UNC5C: variants seen among roughly 807,000 people sequenced by gnomAD.
The protein encoded by UNC5C is unc-5 netrin receptor C.
A neutral mutation model predicts 99.8 loss-of-function variants in UNC5C; 47 were observed. That is an observed-to-expected ratio of 0.47 (90% confidence interval 0.37 to 0.60). The LOEUF (loss-of-function observed/expected upper bound fraction) is 0.60, where lower values mean the gene tolerates loss of function less well. Ranked by LOEUF, UNC5C falls within the 20% of genes least tolerant of loss-of-function variation. The pLI is 0.00. For missense variants in UNC5C, 1,062 were observed against 1,165.9 expected (o/e 0.91, Z 1.30); for synonymous variants, 487 against 452.2 (o/e 1.08, Z -0.98).
At chr4:95,440,017 T>G (rs772483766) in intron 1 of UNC5C, among the ~76,000 whole-genome samples, 5 of 152,190 alleles carry the variant, frequency 3.3e-5, no homozygotes, top group Non-Finnish European at 5.9e-5. Context: ...TAGGAGACAT[T>G]TCTCTCCTGC....
chr4:95,172,352 C>G (rs1211484647), intron 14 of UNC5C, among the ~76,000 whole-genome samples: 1 of 150,718 alleles, frequency 6.6e-6, no homozygotes, highest in Non-Finnish European at 1.5e-5. Context: ...AGGTTTTCTT[C>G]TAGGGTTTTT....
chr4:95,349,487 G>A (rs1433818402), intron 1 of UNC5C, among the ~76,000 whole-genome samples: 2 of 150,338 alleles, frequency 1.3e-5, no homozygotes, highest in Non-Finnish European at 3.0e-5. Context: ...GGACTGGAGG[G>A]CTTTATGGGG....
chr4:95,222,290 CA>C, intron 7 of UNC5C: 3 of 1,357,496 alleles, frequency 2.2e-6, no homozygotes, highest in Non-Finnish European at 2.9e-6. Flanking sequence ...AAAAATGAAA[CA>C]AAAATGGGAA....
intron 1 of UNC5C, among the ~76,000 whole-genome samples, chr4:95,449,160 G>T (rs985386819): frequency 6.6e-6 from 1 of 152,166 alleles, no homozygotes; most frequent in African/African-American, 2.4e-5. Flanking sequence ...TCCATACCTG[G>T]TAACAAAAAG....
At chr4:95,199,403 G>A (rs1043501671) in intron 12 of UNC5C, among the ~76,000 whole-genome samples, 14 of 152,070 alleles carry the variant, frequency 9.2e-5, no homozygotes, top group Non-Finnish European at 2.1e-4. Context: ...ATTATTAAAA[G>A]GCCATGAGGT....
chr4:95,263,950 T>C (rs1184054568), intron 4 of UNC5C, among the ~76,000 whole-genome samples: 1 of 152,206 alleles, frequency 6.6e-6, no homozygotes, highest in Non-Finnish European at 1.5e-5. Context: ...ATATCTAGCA[T>C]AAAATAAGAG....
At chr4:95,303,762 T>A (rs955506397) in intron 2 of UNC5C, among the ~76,000 whole-genome samples, 1 of 152,192 alleles carries the variant, frequency 6.6e-6, no homozygotes, top group Admixed American at 6.5e-5. Flanking sequence ...GAATTAAATA[T>A]ATACATATAT....
chr4:95,209,889 C>T (rs1040313722), intron 10 of UNC5C, among the ~76,000 whole-genome samples: 1 of 152,168 alleles, frequency 6.6e-6, no homozygotes, highest in Non-Finnish European at 1.5e-5. Context: ...CTCTTACCTT[C>T]TAGTTACAAG....
At chr4:95,359,116 A>G (rs1744304027) in intron 1 of UNC5C, among the ~76,000 whole-genome samples, 1 of 152,170 alleles carries the variant, frequency 6.6e-6, no homozygotes, top group African/African-American at 2.4e-5. Context: ...TTTGTTTTGG[A>G]AATCATATTG....
intron 3 of UNC5C, among the ~76,000 whole-genome samples, chr4:95,292,246 T>C (rs1338348821): frequency 1.6e-3 from 111 of 70,398 alleles, no homozygotes; most frequent in African/African-American, 7.3e-3. Context: ...CATATATATA[T>C]ATATATATAT....
chr4:95,486,166 T>A (rs1721322825), intron 1 of UNC5C, among the ~76,000 whole-genome samples: 1 of 151,868 alleles, frequency 6.6e-6, no homozygotes, highest in East Asian at 1.9e-4. Context: ...ATAAAACATA[T>A]ATTTTTAGAA....
Position 95,505,732 on chromosome 4 carries a change from T to C in UNC5C, c.124+43002A>G, listed in dbSNP as rs148280313. Among the ~76,000 whole-genome samples the C allele has an allele frequency of 7.0e-3, 1,061 of 152,204 alleles. 7 individuals are homozygous for C. The highest frequency in any genetic ancestry group is 0.024 in the African/African-American group (1,016 of 41,564). On this transcript the variant is annotated intron_variant, in intron 1 of 15. Transcript: ENST00000453304. ...TACTGGGGGAAAATATGTGTCAATA[T>C]AGCCTTATATCTAACTGTAAAACTG...
At chr4:95,404,008 G>A (rs1364262565) in intron 1 of UNC5C, among the ~76,000 whole-genome samples, 1 of 152,104 alleles carries the variant, frequency 6.6e-6, no homozygotes, top group African/African-American at 2.4e-5. Flanking sequence ...GACTCTAAAG[G>A]CCTGGGAGGG....
intron 1 of UNC5C, among the ~76,000 whole-genome samples, chr4:95,496,191 T>A (rs1346297908): frequency 6.6e-6 from 1 of 151,816 alleles, no homozygotes; most frequent in African/African-American, 2.4e-5. Context: ...ACAGTGTATA[T>A]AGTATTTACA....
chr4:95,548,368 C>A (rs1245951245), intron 1 of UNC5C, among the ~76,000 whole-genome samples: 1 of 151,776 alleles, frequency 6.6e-6, no homozygotes, highest in Non-Finnish European at 1.5e-5. Flanking sequence ...CACAGCCACC[C>A]GCACCGAGAG....
intron 10 of UNC5C, among the ~76,000 whole-genome samples, chr4:95,215,562 T>C (rs1738217599): frequency 6.6e-6 from 1 of 152,230 alleles, no homozygotes; most frequent in Non-Finnish European, 1.5e-5. Context: ...TAATTCAATC[T>C]AGTTTTAATC....
At chr4:95,516,126 G>C (rs1722211805) in intron 1 of UNC5C, among the ~76,000 whole-genome samples, 1 of 152,024 alleles carries the variant, frequency 6.6e-6, no homozygotes, top group African/African-American at 2.4e-5. Flanking sequence ...TCAGTAATAT[G>C]GTAGTAATGT....
intron 10 of UNC5C, among the ~76,000 whole-genome samples, chr4:95,209,626 A>G (rs1738007780): frequency 1.3e-5 from 2 of 152,200 alleles, no homozygotes; most frequent in African/African-American, 4.8e-5. Flanking sequence ...TTGGAACTAT[A>G]AGGTTATTGG....
chr4:95,446,063 G>A (rs1483953429), intron 1 of UNC5C, among the ~76,000 whole-genome samples: 1 of 152,052 alleles, frequency 6.6e-6, no homozygotes, highest in Non-Finnish European at 1.5e-5. Context: ...AATAAAGGAA[G>A]GACACACTTT....
Sources: allele counts gnomAD v4.1 joint callset (sites outside exome capture counted in the v4.1 genomes callset), GRCh38; gene constraint gnomAD v4.1.1; transcripts MANE v1.5; gene names NCBI Gene and HGNC (gene_info 2026-07-23, HGNC 2026-07-21).